NSUN2: variants seen among roughly 807,000 people sequenced by gnomAD.
NSUN2 encodes RNA cytosine C(5)-methyltransferase NSUN2.
NSUN2 carries 63 observed loss-of-function variants against 92.7 expected under a neutral mutation model. The observed-to-expected ratio is 0.68, with a 90% CI of 0.56 to 0.84. The LOEUF (loss-of-function observed/expected upper bound fraction) is 0.84, where lower values mean the gene tolerates loss of function less well. Among genes scored for constraint, NSUN2 ranks in the 40% least tolerant of loss-of-function variants. The pLI is 0.00. For synonymous variants in NSUN2, 356 were observed against 348.3 expected, an observed-to-expected ratio of 1.02 and a Z score of -0.25; for missense variants, 989 against 964.9, an observed-to-expected ratio of 1.02 and a Z score of -0.33.
At chr5:6,628,736 AT>A (rs1661632824) in intron 3 of NSUN2, among the ~76,000 whole-genome samples, 1 of 152,208 alleles carries the variant, frequency 6.6e-6, no homozygotes, top group African/African-American at 2.4e-5. Flanking sequence ...TGTTTAGAGA[AT>A]ACAGCTGCCA....
intron 3 of NSUN2, among the ~76,000 whole-genome samples, chr5:6,630,424 G>A (rs1241455795): frequency 6.6e-6 from 1 of 152,164 alleles, no homozygotes; most frequent in Non-Finnish European, 1.5e-5. Context: ...TCATGCCTCA[G>A]CCTCCCTAGT....
intron 14 of NSUN2, among the ~76,000 whole-genome samples, chr5:6,605,633 A>G (rs909203866): frequency 6.6e-6 from 1 of 152,006 alleles, no homozygotes; most frequent in Non-Finnish European, 1.5e-5. Context: ...ACCTAAATTA[A>G]CAAGTGCAGC....
At chr5:6,616,381 G>T (rs973131044) in intron 9 of NSUN2, among the ~76,000 whole-genome samples, 1 of 152,232 alleles carries the variant, frequency 6.6e-6, no homozygotes, top group Non-Finnish European at 1.5e-5. Context: ...GGACGCTGCA[G>T]TAAGTTAAAT....
intron 3 of NSUN2, among the ~76,000 whole-genome samples, chr5:6,626,000 C>T (rs1469728811): frequency 6.6e-6 from 1 of 152,044 alleles, no homozygotes; most frequent in Non-Finnish European, 1.5e-5. Flanking sequence ...TATAAGGTAA[C>T]AATGGTAAGG....
intron 12 of NSUN2, among the ~76,000 whole-genome samples, chr5:6,608,350 A>G (rs1736863970): frequency 6.6e-6 from 1 of 152,134 alleles, no homozygotes; most frequent in South Asian, 2.1e-4. Flanking sequence ...ACCTTCAAAT[A>G]CCAAGGTCAG....
At chr5:6,601,617 A>G (rs2126465725) in intron 18 of NSUN2, among the ~76,000 whole-genome samples, 1 of 150,886 alleles carries the variant, frequency 6.6e-6, no homozygotes, top group East Asian at 2.0e-4. Flanking sequence ...CTCCTTCCCT[A>G]CTTGGCTGGG....
chr5:6,612,547 C>T (rs1737043785), intron 9 of NSUN2, among the ~76,000 whole-genome samples: 1 of 152,152 alleles, frequency 6.6e-6, no homozygotes, highest in Non-Finnish European at 1.5e-5. Flanking sequence ...CAGCTACTAG[C>T]ACAGATACTG....
chr5:6,605,504 C>A, intron 14 of NSUN2, 96 bp from the exon 15 acceptor site: 2 of 1,359,582 alleles, frequency 1.5e-6, no homozygotes, highest in South Asian at 1.3e-5. Flanking sequence ...ATTCAATCCC[C>A]AAAACTGCAG....
Position 6,607,195 on chromosome 5 carries a change from C to T in NSUN2, c.1508+5G>A. The T allele has an allele frequency of 6.2e-7, 1 of 1,613,926 alleles. No homozygotes were observed. The highest frequency in any genetic ancestry group is 8.5e-7 in the Non-Finnish European group (1 of 1,179,832). ...ATTAGATCAAGACATAACCACTTTTCTTACCCACACACGCCATCTTTCTTA... is the reference window on the plus strand; with the variant it reads ...ATTAGATCAAGACATAACCACTTTTTTTACCCACACACGCCATCTTTCTTA... On this transcript the variant is annotated splice_donor_5th_base_variant and intron_variant, in intron 13 of 18. Coordinates refer to ENST00000264670, the MANE Select transcript of NSUN2 (RefSeq NM_017755.6).
At chr5:6,617,872 G>A (rs779356861) in intron 8 of NSUN2, 78 bp downstream of exon 8, 28 of 1,073,736 alleles carry the variant, frequency 2.6e-5, no homozygotes, top group South Asian at 1.6e-4. Context: ...ATTAAAGATC[G>A]GATGCTCACT....
chr5:6,602,626 C>A lies in NSUN2; in HGVS notation c.1958-126G>T, dbSNP rs189452755. On this transcript the variant is annotated intron_variant, in intron 17 of 18. Coordinates refer to ENST00000264670, the MANE Select transcript of NSUN2 (RefSeq NM_017755.6). ...AAGAAAACAACAAATAATCTACATTCTTGGCTTCAAGGATCTAGATGGTGA... is the reference window on the plus strand; with the variant it reads ...AAGAAAACAACAAATAATCTACATTATTGGCTTCAAGGATCTAGATGGTGA... The A allele has an allele frequency of 1.1e-5, 10 of 931,564 alleles. No individual in the cohort carries two copies. In the Admixed American group the frequency reaches 1.2e-4, roughly 12 times the overall value. 57.7% of individuals were successfully genotyped at this position (931,564 alleles called of 1,614,324 possible). A position where few individuals can be genotyped will look rare whatever the true frequency, so the allele number is the denominator to read the frequency against.
At position 6,625,978 on chromosome 5, in the gene NSUN2, G is replaced by A. The variant is rs2288447; in HGVS notation, c.360-309C>T. ...CAGATGAAAAAGCGGACACTCCTCT[G>A]CTCTTCACCATTATAAGGTAACAAT... On this transcript the variant is annotated intron_variant, in intron 3 of 18. Coordinates refer to ENST00000264670, the MANE Select transcript of NSUN2 (RefSeq NM_017755.6). Among the ~76,000 whole-genome samples, 44,399 of 151,916 alleles carry A rather than the reference G, an allele frequency of 0.29. 7,357 individuals are homozygous for A. The highest frequency in any genetic ancestry group is 0.42 in the Middle Eastern group (124 of 294).
intron 9 of NSUN2, among the ~76,000 whole-genome samples, chr5:6,613,599 T>C (rs1048622372): frequency 1.3e-5 from 2 of 152,250 alleles, no homozygotes; most frequent in Admixed American, 1.3e-4. Flanking sequence ...AAAGCTCAAC[T>C]GCATGCCATA....
rs1439208571 is a variant in NSUN2, at chr5:6,600,022, C to T, written c.2208G>A (p.Gln736=). The T allele has an allele frequency of 6.2e-7, 1 of 1,614,158 alleles. No individual in the cohort carries two copies. Among genetic ancestry groups the T allele is most frequent in the Non-Finnish European group, 8.5e-7 (1 of 1,180,054 alleles). Residue 736 remains glutamine (Q), a synonymous_variant, in exon 19 of 19, where the codon CAG becomes CAA. Transcript: ENST00000264670. ...CTGGGCTGTTGGGCTCTCCTGCTCT[C>T]TGTCCCTCAGTCACGTCATTGTCTG... ...GQPDNDVTEG[Q]RAGEPNSPDA... is the part of the protein sequence containing the mutation.
At position 6,607,354 on chromosome 5, in the gene NSUN2, T is replaced by G; in HGVS notation, c.1354A>C (p.Ser452Arg). The G allele has an allele frequency of 6.2e-7, 1 of 1,614,068 alleles. No individual in the cohort carries two copies. Among genetic ancestry groups the G allele is most frequent in the Non-Finnish European group, 8.5e-7 (1 of 1,179,964 alleles). Residue 452 changes from serine (S) to arginine (R), a missense_variant, in exon 13 of 19, where the codon AGC becomes CGC. By Grantham distance (110) the Ser-to-Arg change is moderately radical. Coordinates refer to ENST00000264670, the MANE Select transcript of NSUN2 (RefSeq NM_017755.6). ...LQGKSAETRESTQLSPADLTE... is the reference protein window; with the variant it reads ...LQGKSAETRERTQLSPADLTE... ...AGATCTGCAGGGCTCAGCTGTGTGC[T>G]TTCTCTGGTCTCTGCAGATTTACCC...
chr5:6,630,268 C>T (rs759358341), intron 3 of NSUN2, among the ~76,000 whole-genome samples: 1 of 152,192 alleles, frequency 6.6e-6, no homozygotes, highest in Non-Finnish European at 1.5e-5. Context: ...CTATACTGTA[C>T]CCTTCAAGCT....
chr5:6,629,256 T>C (rs1737772805), intron 3 of NSUN2, among the ~76,000 whole-genome samples: 1 of 152,206 alleles, frequency 6.6e-6, no homozygotes, highest in Admixed American at 6.5e-5. Context: ...TACCTTGTCA[T>C]ATACCCAGAC....
At chr5:6,629,720 C>T (rs1193613726) in intron 3 of NSUN2, among the ~76,000 whole-genome samples, 4 of 152,310 alleles carry the variant, frequency 2.6e-5, no homozygotes, top group Middle Eastern at 6.8e-3. Context: ...ATATTCCCCA[C>T]GTGTCAAGGG....
chr5:6,606,733 A>G (rs1217520743), intron 14 of NSUN2, 87 bp downstream of exon 14: 5 of 741,876 alleles, frequency 6.7e-6, no homozygotes, highest in Non-Finnish European at 8.9e-6. Flanking sequence ...ACTACATACA[A>G]AACAATGGTT....
Sources: allele counts gnomAD v4.1 joint callset (sites outside exome capture counted in the v4.1 genomes callset), GRCh38; gene constraint gnomAD v4.1.1; transcripts MANE v1.5; gene names NCBI Gene and HGNC (gene_info 2026-07-23, HGNC 2026-07-21).